Variants in TIA1 observed in about 807,000 individuals in gnomAD.
TIA1 encodes the protein cytotoxic granule associated RNA binding protein TIA1.
In TIA1, 23 loss-of-function variants were observed where a neutral mutation model predicts 65.9. That is an observed-to-expected ratio of 0.35 (90% CI 0.25 to 0.49). TIA1 has a LOEUF of 0.49. Among genes scored for constraint, TIA1 ranks in the 20% least tolerant of loss-of-function variants. TIA1 has a pLI of 0.98. For missense variants in TIA1, 371 were observed against 477.9 expected (o/e 0.78, Z 2.09); for synonymous variants, 147 against 149.4 (o/e 0.98, Z 0.12).
intron 1 of TIA1, among the ~76,000 whole-genome samples, chr2:70,246,021 T>G (rs1694155667): frequency 6.6e-6 from 1 of 150,406 alleles, no homozygotes; most frequent in Non-Finnish European, 1.5e-5. Flanking sequence ...CCTCCCGGGT[T>G]CAAGCGATTC....
rs558324374 is a variant in TIA1, at chr2:70,229,211, A to C, written c.277+53T>G. ...TATGATGTTTATAGGCTTTACAATA[A>C]AACTACTGGGTACAATAAAAACAAA... On this transcript the variant is annotated intron_variant, in intron 4 of 12. Transcript: ENST00000433529. The C allele has an allele frequency of 1.8e-4, 282 of 1,607,176 alleles. 1 individual carries two copies. In the South Asian group the frequency reaches 2.8e-3, roughly 16 times the overall value.
chr2:70,222,498 A>C (rs1047299317), intron 7 of TIA1, among the ~76,000 whole-genome samples: 3 of 152,194 alleles, frequency 2.0e-5, no homozygotes, highest in Non-Finnish European at 4.4e-5. Context: ...AGAACATAGG[A>C]AGAGAGGCTG....
chr2:70,229,198 A>G (rs941426011), intron 4 of TIA1, 66 bp downstream of exon 4: 2 of 1,600,690 alleles, frequency 1.2e-6, no homozygotes, highest in Admixed American at 3.3e-5. Flanking sequence ...TGATGTTTAT[A>G]GGCTTTACAA....
chr2:70,230,875 A>C, intron 2 of TIA1, 21 bp from the exon 3 acceptor site: 8 of 1,578,588 alleles, frequency 5.1e-6, no homozygotes, highest in Non-Finnish European at 6.0e-6. Flanking sequence ...AGAAACACAA[A>C]AGCCAATTTT....
chr2:70,212,938 A>C, intron 12 of TIA1, 93 bp from the exon 13 acceptor site: 1 of 797,660 alleles, frequency 1.3e-6, no homozygotes, highest in Non-Finnish European at 2.2e-6. Flanking sequence ...CAAATATGGG[A>C]AATGGGAAAC....
chr2:70,223,571 G>A (rs1682467433), intron 7 of TIA1, among the ~76,000 whole-genome samples: 1 of 151,858 alleles, frequency 6.6e-6, no homozygotes, highest in Non-Finnish European at 1.5e-5. Context: ...ACAGGCATGT[G>A]TCGCCATGCC....
chr2:70,212,967 A>C, intron 12 of TIA1, 122 bp from the exon 13 acceptor site: 1 of 668,770 alleles, frequency 1.5e-6, no homozygotes, highest in Non-Finnish European at 2.6e-6. Context: ...TCTTAATCCC[A>C]AATAGAATAA....
At position 70,225,593 on chromosome 2, in the gene TIA1, G is replaced by GA. The variant is rs1683437186; in HGVS notation, c.399-965dup. Reference sequence around the variant, plus strand: ...ACTTTTATAACAAAAACCCAAGTCAGAAAGCCATGCAATGTAATTTTCTAT... The same window carrying GA: ...ACTTTTATAACAAAAACCCAAGTCAGAAAAGCCATGCAATGTAATTTTCTAT... On this transcript the variant is annotated intron_variant, in intron 6 of 12. Transcript: ENST00000433529. Among the ~76,000 whole-genome samples, 4 of 152,146 alleles carry GA rather than the reference G, an allele frequency of 2.6e-5. No individual in the cohort carries two copies. The South Asian group carries it at 8.3e-4, about 31-fold the overall frequency.
intron 5 of TIA1, chr2:70,228,396 AAC>A (rs1190071147): frequency 7.8e-7 from 1 of 1,288,508 alleles, no homozygotes; most frequent in Admixed American, 2.3e-5. Flanking sequence ...CTCAAAAGCC[AAC>A]AGTTTTGGTT....
chr2:70,238,808 T>C (rs367625304), intron 1 of TIA1, among the ~76,000 whole-genome samples: 8 of 152,084 alleles, frequency 5.3e-5, no homozygotes, highest in African/African-American at 1.9e-4. Flanking sequence ...CCCAGCACTT[T>C]TGGAGGCCAA....
rs1684489476 is a variant in TIA1, at chr2:70,227,891, T to C, written c.311-69A>G. 5 of 1,045,138 alleles carry C rather than the reference T, an allele frequency of 4.8e-6. No individual in the cohort carries two copies. In the Admixed American group the frequency reaches 6.2e-5, roughly 13 times the overall value. 64.7% of individuals were successfully genotyped at this position (1,045,138 alleles called of 1,614,324 possible). On this transcript the variant is annotated intron_variant, in intron 5 of 12. Transcript: ENST00000433529. ...TTAGAATTTAAAAAGTACTAAAATCTATCCAATAAAGTATTCTTAAAATGA... is the reference window on the plus strand; with the variant it reads ...TTAGAATTTAAAAAGTACTAAAATCCATCCAATAAAGTATTCTTAAAATGA...
chr2:70,210,383 A>G lies in TIA1; in HGVS notation c.*2336T>C, dbSNP rs1676186537. 6.6e-6 allele frequency: 1 copy of G among 152,210 alleles called. No homozygotes were observed. The highest frequency in any genetic ancestry group is 1.9e-4 in the East Asian group (1 of 5,204). The allele number at this position is 152,210 out of a possible 1,614,324, so 9.4% of individuals were successfully genotyped here. The stretch of plus-strand genomic sequence containing the variant: ...AACTTTAATTTCCTTACCTGATACT[A>G]ATACCAGTATGATTTTTAGACGGAA... On this transcript the variant is annotated 3_prime_UTR_variant, in exon 13 of 13. Transcript: ENST00000433529.
At chr2:70,219,593 T>C (rs183870376) in intron 7 of TIA1, among the ~76,000 whole-genome samples, 19 of 152,282 alleles carry the variant, frequency 1.2e-4, no homozygotes, top group African/African-American at 4.3e-4. Context: ...CACCTCAGCC[T>C]CCTAGTAGCT....
chr2:70,235,156 C>T (rs1278437161), intron 2 of TIA1, among the ~76,000 whole-genome samples: 1 of 152,156 alleles, frequency 6.6e-6, no homozygotes, highest in East Asian at 1.9e-4. Context: ...TGGCTCATAC[C>T]TGTAATCCCA....
At chr2:70,242,485 A>G (rs1157479269) in intron 1 of TIA1, among the ~76,000 whole-genome samples, 2 of 116,634 alleles carry the variant, frequency 1.7e-5, no homozygotes, top group South Asian at 3.2e-4. Flanking sequence ...AGTGACAGAG[A>G]CTCAGTCTCA....
rs771940892 is a variant in TIA1, at chr2:70,230,876, A to T, written c.124-22T>A. On this transcript the variant is annotated intron_variant, in intron 2 of 12. Coordinates refer to ENST00000433529, the MANE Select transcript of TIA1 (RefSeq NM_022173.4). ...CTGTCTGTGGGAGAAGAAACACAAAAGCCAATTTTAAGCTTTATTCACCCA... is the reference window on the plus strand; with the variant it reads ...CTGTCTGTGGGAGAAGAAACACAAATGCCAATTTTAAGCTTTATTCACCCA... 17 of 1,577,478 alleles carry T rather than the reference A, an allele frequency of 1.1e-5. 1 individual carries two copies. The Admixed American group carries it at 1.2e-4, about 11-fold the overall frequency.
At chr2:70,234,246 T>C (rs1007015044) in intron 2 of TIA1, among the ~76,000 whole-genome samples, 1 of 152,222 alleles carries the variant, frequency 6.6e-6, no homozygotes, top group African/African-American at 2.4e-5. Context: ...ATTGAGCATT[T>C]ATGACAATGT....
intron 4 of TIA1, 55 bp from the exon 5 acceptor site, chr2:70,229,146 C>A (rs1386184815): frequency 1.2e-6 from 2 of 1,608,788 alleles, no homozygotes; most frequent in African/African-American, 1.3e-5. Context: ...CACATTCAAT[C>A]ATATCTTAGG....
intron 2 of TIA1, 54 bp downstream of exon 2, chr2:70,236,025 T>C: frequency 6.4e-6 from 7 of 1,089,354 alleles, no homozygotes; most frequent in Non-Finnish European, 9.6e-6. Context: ...GCAATGGCTT[T>C]AAGTAATGTG....
Sources: gnomAD v4.1 joint callset for allele counts (sites outside exome capture counted in the v4.1 genomes callset) on GRCh38, gnomAD v4.1.1 for gene constraint, MANE v1.5 for transcripts, NCBI Gene and HGNC (gene_info 2026-07-23, HGNC 2026-07-21) for gene names.